GRIK1: variants seen among roughly 807,000 people sequenced by gnomAD.
GRIK1 encodes the protein glutamate ionotropic receptor kainate type subunit 1, also known as glutamate receptor ionotropic, kainate 1.
In GRIK1, 69 loss-of-function variants were observed where a neutral mutation model predicts 105.7. The ratio of observed to expected loss-of-function variants is 0.65; its 90% confidence interval spans 0.54 to 0.80. The LOEUF (loss-of-function observed/expected upper bound fraction) is 0.80, where lower values mean the gene tolerates loss of function less well. Ranked by LOEUF, GRIK1 falls within the 30% of genes least tolerant of loss-of-function variation. The pLI, the probability that GRIK1 is intolerant of heterozygous loss-of-function variation, is 0.00. For synonymous variants in GRIK1, 438 were observed against 431.3 expected, an observed-to-expected ratio of 1.02 and a Z score of -0.19; for missense variants, 1,109 against 1,167.3, an observed-to-expected ratio of 0.95 and a Z score of 0.73.
chr21:29,641,468 T>C (rs1200479417), intron 7 of GRIK1, among the ~76,000 whole-genome samples: 1 of 152,208 alleles, frequency 6.6e-6, no homozygotes, highest in Non-Finnish European at 1.5e-5. Context: ...AAACCTCTTT[T>C]TCTTTATAAA....
At chr21:29,750,176 A>G (rs2065149757) in intron 1 of GRIK1, among the ~76,000 whole-genome samples, 2 of 151,744 alleles carry the variant, frequency 1.3e-5, no homozygotes, top group South Asian at 4.2e-4. Flanking sequence ...TCATACCTAA[A>G]CTAGTCACCC....
chr21:29,872,333 A>G (rs1246799255), intron 1 of GRIK1, among the ~76,000 whole-genome samples: 2 of 151,696 alleles, frequency 1.3e-5, no homozygotes, highest in African/African-American at 4.8e-5. Context: ...AGCTGGGACT[A>G]CAGGAGCCCG....
rs759082950 is a variant in GRIK1 at position 29,537,205 on chromosome 21, T to G, written c.*25A>C. On this transcript the variant is annotated 3_prime_UTR_variant, in exon 18 of 18. Coordinates refer to ENST00000327783, the MANE Select transcript of GRIK1 (RefSeq NM_001330994.2). The stretch of plus-strand genomic sequence containing the variant: ...AAAATCTGTAGGGAATGCATCCTTT[T>G]TCTTCCTACAGGCGTTTCCTTGGAT... 3 of 1,542,192 alleles carry G rather than the reference T, an allele frequency of 1.9e-6. No individual in the cohort carries two copies. Among genetic ancestry groups the G allele is most frequent in the East Asian group, 4.6e-5 (2 of 43,778 alleles).
chr21:29,889,192 T>C (rs970877352), intron 1 of GRIK1, among the ~76,000 whole-genome samples: 43 of 152,228 alleles, frequency 2.8e-4, no homozygotes, highest in Non-Finnish European at 5.3e-4. Flanking sequence ...CTGAACTGAA[T>C]AAAATGCATG....
chr21:29,693,811 A>T, intron 2 of GRIK1, 85 bp downstream of exon 2: 1 of 969,120 alleles, frequency 1.0e-6, no homozygotes, highest in African/African-American at 1.6e-5. Context: ...TGCCCGCTTT[A>T]AAAGAGGGCA....
chr21:29,846,219 C>T (rs1162419407), intron 1 of GRIK1, among the ~76,000 whole-genome samples: 2 of 141,324 alleles, frequency 1.4e-5, no homozygotes, highest in Non-Finnish European at 3.0e-5. Context: ...GGAGAAACCC[C>T]TTCTCTACTA....
chr21:29,811,864 C>T (rs982446069), intron 1 of GRIK1, among the ~76,000 whole-genome samples: 1 of 152,172 alleles, frequency 6.6e-6, no homozygotes, highest in Non-Finnish European at 1.5e-5. Context: ...GTTCCAGCCT[C>T]TCGGCTTTTC....
chr21:29,623,396 A>G (rs899715232), intron 7 of GRIK1, among the ~76,000 whole-genome samples: 5 of 152,080 alleles, frequency 3.3e-5, no homozygotes, highest in African/African-American at 9.7e-5. Flanking sequence ...GCCAAACCAT[A>G]TCAGTTAGTT....
At chr21:29,696,010 T>C (rs1249643723) in intron 1 of GRIK1, among the ~76,000 whole-genome samples, 1 of 152,250 alleles carries the variant, frequency 6.6e-6, no homozygotes, top group Non-Finnish European at 1.5e-5. Flanking sequence ...GGACAGACTG[T>C]AATTCAAAGA....
intron 1 of GRIK1, among the ~76,000 whole-genome samples, chr21:29,697,760 C>T (rs369393887): frequency 1.3e-5 from 2 of 152,116 alleles, no homozygotes; most frequent in African/African-American, 4.8e-5. Context: ...TACAACAAAA[C>T]GAGATGTAGA....
At chr21:29,543,629 G>A (rs1253307163) in intron 16 of GRIK1, among the ~76,000 whole-genome samples, 1 of 152,178 alleles carries the variant, frequency 6.6e-6, no homozygotes, top group Non-Finnish European at 1.5e-5. Context: ...TAGAGGTTGA[G>A]TGTTGATCAC....
At chr21:29,832,965 T>C (rs968103180) in intron 1 of GRIK1, among the ~76,000 whole-genome samples, 1 of 124,228 alleles carries the variant, frequency 8.0e-6, no homozygotes, top group Non-Finnish European at 1.8e-5. Context: ...AAGACAAACA[T>C]AGGTTGCTAG....
chr21:29,867,914 G>A (rs376352299), intron 1 of GRIK1, among the ~76,000 whole-genome samples: 15,812 of 131,724 alleles, frequency 0.12, 1,166 homozygotes, highest in East Asian at 0.31. Context: ...AAGAAAGAGA[G>A]AGAAAGAGAG....
intron 1 of GRIK1, among the ~76,000 whole-genome samples, chr21:29,927,583 A>G (rs1427377059): frequency 1.3e-5 from 2 of 151,000 alleles, no homozygotes; most frequent in African/African-American, 2.4e-5. Context: ...ACAAATATAT[A>G]AAATATGGGT....
At chr21:29,696,592 C>G (rs769911300) in intron 1 of GRIK1, among the ~76,000 whole-genome samples, 17 of 152,226 alleles carry the variant, frequency 1.1e-4, no homozygotes, top group Non-Finnish European at 1.9e-4. Flanking sequence ...GTGACCCATA[C>G]AGAGGGCTGC....
At chr21:29,659,031 G>C (rs899832952) in intron 4 of GRIK1, among the ~76,000 whole-genome samples, 3 of 152,076 alleles carry the variant, frequency 2.0e-5, no homozygotes, top group African/African-American at 7.2e-5. Context: ...TCAAAATTAC[G>C]GGTCTTCCAT....
chr21:29,807,088 T>C (rs2066882597), intron 1 of GRIK1, among the ~76,000 whole-genome samples: 1 of 152,210 alleles, frequency 6.6e-6, no homozygotes, highest in African/African-American at 2.4e-5. Flanking sequence ...CAGCAGGGTT[T>C]GAACACAGCA....
At chr21:29,755,765 A>G (rs17773164) in intron 1 of GRIK1, among the ~76,000 whole-genome samples, 3,827 of 152,308 alleles carry the variant, frequency 0.025, 99 homozygotes, top group Admixed American at 0.084. Flanking sequence ...CAGGACTATT[A>G]GATAAAATGT....
rs180769919 is a variant in GRIK1 at position 29,686,241 on chromosome 21, A to G, written c.544+3487T>C. Reference sequence around the variant, plus strand: ...TTCTCTTGTTAACCTGTCTTTTGTTATAGGAATGTCAGTTGTGATTGTTAT... The same window carrying G: ...TTCTCTTGTTAACCTGTCTTTTGTTGTAGGAATGTCAGTTGTGATTGTTAT... On this transcript the variant is annotated intron_variant, in intron 3 of 17. Coordinates refer to ENST00000327783, the MANE Select transcript of GRIK1 (RefSeq NM_001330994.2). 7.9e-5 allele frequency among the ~76,000 whole-genome samples: 12 copies of G among 152,358 alleles called. No individual in the cohort carries two copies. In the East Asian group the frequency reaches 2.1e-3, roughly 27 times the overall value.
Sources: allele counts gnomAD v4.1 joint callset (sites outside exome capture counted in the v4.1 genomes callset), GRCh38; gene constraint gnomAD v4.1.1; transcripts MANE v1.5; gene names NCBI Gene and HGNC (gene_info 2026-07-23, HGNC 2026-07-21).